The following RBM46 variants were observed in gnomAD, a reference collection of about 807,000 sequenced individuals.
RBM46 encodes RNA binding motif protein 46.
Under a neutral mutation model 43.3 loss-of-function variants are expected in RBM46, and 12 were observed. That is an observed-to-expected ratio of 0.28 (90% confidence interval 0.18 to 0.45). The LOEUF is 0.45. Ranked by LOEUF, RBM46 falls within the 20% of genes least tolerant of loss-of-function variation. The probability of loss-of-function intolerance (pLI) is 1.00; values close to 1 mark genes in which losing one functional copy is unlikely to be tolerated. For synonymous variants in RBM46, 205 were observed against 207.6 expected (o/e 0.99, Z 0.11); for missense variants, 412 against 639.1 (o/e 0.64, Z 3.83).
intron 2 of RBM46, among the ~76,000 whole-genome samples, chr4:154,797,565 C>G (rs1734415698): frequency 6.6e-6 from 1 of 152,116 alleles, no homozygotes; most frequent in Non-Finnish European, 1.5e-5. Context: ...CTCACGTACC[C>G]AGAGATTTGC....
At chr4:154,795,515 TCAGA>T (rs1734308953) in intron 1 of RBM46, among the ~76,000 whole-genome samples, 1 of 152,196 alleles carries the variant, frequency 6.6e-6, no homozygotes, top group African/African-American at 2.4e-5. Flanking sequence ...TTTGTTTGTT[TCAGA>T]CAGGATCTTG....
At chr4:154,809,350 T>C (rs1472810101) in intron 4 of RBM46, among the ~76,000 whole-genome samples, 1 of 152,066 alleles carries the variant, frequency 6.6e-6, no homozygotes, top group East Asian at 1.9e-4. Flanking sequence ...TGAATTGATA[T>C]ATTGGAGAAT....
intron 4 of RBM46, among the ~76,000 whole-genome samples, chr4:154,821,478 T>C (rs1284364776): frequency 3.3e-5 from 5 of 151,826 alleles, no homozygotes; most frequent in African/African-American, 1.2e-4. Flanking sequence ...GCTGTTCTAG[T>C]ACTAACTTTC....
chr4:154,812,723 A>G (rs1451657284), intron 4 of RBM46, among the ~76,000 whole-genome samples: 2 of 151,896 alleles, frequency 1.3e-5, no homozygotes, highest in Non-Finnish European at 2.9e-5. Context: ...AATACTCTGA[A>G]CTCCACATTC....
intron 4 of RBM46, among the ~76,000 whole-genome samples, chr4:154,817,278 A>G (rs1268694587): frequency 1.3e-5 from 2 of 150,252 alleles, no homozygotes; most frequent in East Asian, 3.9e-4. Context: ...GGTTACAAAT[A>G]TCTCTCCTAA....
chr4:154,828,252 A>G lies in RBM46; in HGVS notation c.*185A>G, dbSNP rs192523612. 17 of 577,794 alleles carry G rather than the reference A, an allele frequency of 2.9e-5. No homozygotes were observed. The highest frequency in any genetic ancestry group is 1.9e-4 in the African/African-American group (10 of 53,464). The allele number at this position is 577,794 out of a possible 1,614,324, so 35.8% of individuals were successfully genotyped here. ...GAGTTGTAGAATTTATAAAAATGCA[A>G]AGTTTAAAAAGTTATTCAGTGGTTT... is the stretch of plus-strand genomic sequence containing the variant. On this transcript the variant is annotated 3_prime_UTR_variant, in exon 5 of 5. Transcript: ENST00000281722.
intron 2 of RBM46, 78 bp from the exon 3 acceptor site, chr4:154,797,733 G>T: frequency 9.9e-7 from 1 of 1,011,324 alleles, no homozygotes; most frequent in South Asian, 1.9e-5. Context: ...CAGCAAATTT[G>T]TTGAATGAAT....
At chr4:154,789,043 T>C (rs1733938778) in intron 1 of RBM46, among the ~76,000 whole-genome samples, 1 of 152,226 alleles carries the variant, frequency 6.6e-6, no homozygotes, top group South Asian at 2.1e-4. Flanking sequence ...GAGACTTTGC[T>C]GAAGTTGCGT....
chr4:154,811,759 C>A, intron 4 of RBM46, among the ~76,000 whole-genome samples: 1 of 151,066 alleles, frequency 6.6e-6, no homozygotes, highest in East Asian at 2.0e-4. Flanking sequence ...TGGCTCATTG[C>A]AACATCCGCC....
intron 1 of RBM46, among the ~76,000 whole-genome samples, chr4:154,794,150 C>G (rs767728636): frequency 6.7e-6 from 1 of 150,096 alleles, no homozygotes; most frequent in South Asian, 2.1e-4. Context: ...CCACCATCAT[C>G]TCTTGCCTGG....
chr4:154,814,494 C>A (rs1045476038), intron 4 of RBM46, among the ~76,000 whole-genome samples: 3 of 151,940 alleles, frequency 2.0e-5, no homozygotes, highest in African/African-American at 7.2e-5. Context: ...AGAATGATCA[C>A]CATCTCTTCT....
intron 4 of RBM46, among the ~76,000 whole-genome samples, chr4:154,817,781 T>C (rs1560911735): frequency 6.6e-6 from 1 of 152,202 alleles, no homozygotes; most frequent in Non-Finnish European, 1.5e-5. Flanking sequence ...AAGTCTCTCA[T>C]TTTGCCATTT....
intron 4 of RBM46, among the ~76,000 whole-genome samples, chr4:154,819,163 T>C (rs1171698108): frequency 2.0e-5 from 3 of 152,216 alleles, no homozygotes; most frequent in Non-Finnish European, 4.4e-5. Context: ...CACGATGTTA[T>C]ATTTATTCAT....
intron 4 of RBM46, among the ~76,000 whole-genome samples, chr4:154,817,010 A>G (rs1735476669): frequency 6.6e-6 from 1 of 152,170 alleles, no homozygotes; most frequent in Non-Finnish European, 1.5e-5. Context: ...TTTCCGAAGT[A>G]AACTCAATTT....
intron 4 of RBM46, among the ~76,000 whole-genome samples, chr4:154,815,380 T>A (rs1735383372): frequency 6.6e-6 from 1 of 151,930 alleles, no homozygotes; most frequent in African/African-American, 2.4e-5. Flanking sequence ...CTGTAGTAAA[T>A]AGGGCCAAAT....
chr4:154,814,692 T>C (rs1435736266), intron 4 of RBM46, among the ~76,000 whole-genome samples: 1 of 152,040 alleles, frequency 6.6e-6, no homozygotes, highest in Admixed American at 6.6e-5. Flanking sequence ...GTAGCATCTG[T>C]ATTGAAAATC....
intron 1 of RBM46, among the ~76,000 whole-genome samples, chr4:154,790,075 G>A (rs1225025793): frequency 6.6e-6 from 1 of 151,806 alleles, no homozygotes; most frequent in Non-Finnish European, 1.5e-5. Flanking sequence ...TTCTTTATTA[G>A]TCTTGCTAGT....
At chr4:154,794,084 A>G (rs1338932108) in intron 1 of RBM46, among the ~76,000 whole-genome samples, 3 of 152,134 alleles carry the variant, frequency 2.0e-5, no homozygotes, top group East Asian at 1.9e-4. Context: ...ATGTACTTCA[A>G]AATATATCTC....
At chr4:154,804,748 C>G (rs921139484) in intron 4 of RBM46, among the ~76,000 whole-genome samples, 30 of 149,960 alleles carry the variant, frequency 2.0e-4, no homozygotes, top group African/African-American at 7.1e-4. Flanking sequence ...CTGTCACTAA[C>G]ATGTGCCACT....
Sources: gnomAD v4.1 joint callset for allele counts (sites outside exome capture counted in the v4.1 genomes callset) on GRCh38, gnomAD v4.1.1 for gene constraint, MANE v1.5 for transcripts, NCBI Gene and HGNC (gene_info 2026-07-23, HGNC 2026-07-21) for gene names.